The following MARCHF2 variants were observed in gnomAD, a reference collection of about 807,000 sequenced individuals.
MARCHF2 encodes the protein E3 ubiquitin-protein ligase MARCHF2.
A neutral mutation model predicts 24.0 loss-of-function variants in MARCHF2; 22 were observed. The observed-to-expected ratio is 0.92, with a 90% CI of 0.66 to 1.31. MARCHF2 has a LOEUF of 1.31. Ranked by LOEUF, MARCHF2 falls within the 50% of genes most tolerant of loss-of-function variation. The probability of loss-of-function intolerance (pLI) is 0.00; values close to 1 mark genes in which losing one functional copy is unlikely to be tolerated. For missense variants in MARCHF2, 301 were observed against 335.3 expected (o/e 0.90, Z 0.80); for synonymous variants, 154 against 153.0 (o/e 1.01, Z -0.05).
chr19:8,427,311 A>G (rs1284755144), intron 3 of MARCHF2, among the ~76,000 whole-genome samples: 1 of 151,808 alleles, frequency 6.6e-6, no homozygotes, highest in Admixed American at 6.6e-5. Flanking sequence ...AGCCTCCCAA[A>G]GTGCTGGGAT....
intron 4 of MARCHF2, among the ~76,000 whole-genome samples, chr19:8,438,043 G>A (rs934788239): frequency 2.6e-5 from 4 of 152,144 alleles, no homozygotes; most frequent in Admixed American, 6.6e-5. Flanking sequence ...TGGGATTACA[G>A]GTGTGAGCCA....
At chr19:8,419,677 G>A (rs1057017979) in intron 1 of MARCHF2, among the ~76,000 whole-genome samples, 2 of 148,490 alleles carry the variant, frequency 1.3e-5, no homozygotes, top group African/African-American at 2.5e-5. Context: ...TTAGCCGGGC[G>A]TGGTGGCGGG....
intron 1 of MARCHF2, chr19:8,418,625 A>T (rs1449999672): frequency 6.6e-6 from 1 of 152,242 alleles, no homozygotes; most frequent in Non-Finnish European, 1.5e-5. Context: ...CCTGGGCTCA[A>T]GAGGTTGAGG....
chr19:8,419,884 C>T (rs1268445434), intron 1 of MARCHF2, among the ~76,000 whole-genome samples: 1 of 148,564 alleles, frequency 6.7e-6, no homozygotes, highest in Non-Finnish European at 1.5e-5. Context: ...AATTGCCGGG[C>T]GCAGTGGCTC....
chr19:8,415,444 C>T (rs1418119615), intron 1 of MARCHF2, among the ~76,000 whole-genome samples: 1 of 150,382 alleles, frequency 6.6e-6, no homozygotes, highest in African/African-American at 2.4e-5. Context: ...ATAGGCCAGG[C>T]GCGGTGACTC....
intron 2 of MARCHF2, among the ~76,000 whole-genome samples, chr19:8,425,531 C>G (rs1380389298): frequency 6.6e-6 from 1 of 152,064 alleles, no homozygotes; most frequent in Non-Finnish European, 1.5e-5. Flanking sequence ...CAAGCATGAG[C>G]TACTGCTCCC....
In MARCHF2 at chr19:8,419,830, T is replaced by TAA. The variant is rs1568235336; in HGVS notation, c.-52-1957_-52-1956dup. 1.4e-3 allele frequency among the ~76,000 whole-genome samples: 187 copies of TAA among 130,250 alleles called. 5 individuals carry two copies. Among genetic ancestry groups the TAA allele is most frequent in the Middle Eastern group, 0.014 (3 of 212 alleles). The allele number at this position is 130,250 out of a possible 152,430, so 85.4% of individuals were successfully genotyped here. ...GACTCCGTCTCAAAAAAAAAATAAA[T>TAA]AAATAAATAAATAAAAATAAAAAAT... On this transcript the variant is annotated intron_variant, in intron 1 of 4. Coordinates refer to ENST00000215555, the MANE Select transcript of MARCHF2 (RefSeq NM_001005415.2).
intron 2 of MARCHF2, among the ~76,000 whole-genome samples, chr19:8,424,621 C>T (rs1380708753): frequency 1.3e-5 from 2 of 151,298 alleles, no homozygotes; most frequent in Non-Finnish European, 1.5e-5. Flanking sequence ...GAGCCGAGAT[C>T]GCGCCACTGC....
chr19:8,417,471 G>C (rs957670946), intron 1 of MARCHF2, among the ~76,000 whole-genome samples: 3 of 151,836 alleles, frequency 2.0e-5, no homozygotes, highest in Admixed American at 2.0e-4. Flanking sequence ...ATGAAGTCTT[G>C]CTGTCACCCA....
At chr19:8,432,908 G>A (rs912174378) in intron 4 of MARCHF2, among the ~76,000 whole-genome samples, 22 of 151,610 alleles carry the variant, frequency 1.5e-4, no homozygotes, top group Admixed American at 7.3e-4. Context: ...GCAAGATGGT[G>A]AGACCCCATC....
intron 1 of MARCHF2, among the ~76,000 whole-genome samples, chr19:8,419,985 C>T (rs1272133399): frequency 2.7e-5 from 4 of 148,306 alleles, no homozygotes; most frequent in Non-Finnish European, 4.5e-5. Context: ...GGTGAAACCC[C>T]GTCTGTACTA....
intron 2 of MARCHF2, chr19:8,423,731 C>T (rs938858245): frequency 7.2e-5 from 11 of 152,086 alleles, no homozygotes; most frequent in Middle Eastern, 3.4e-3. Flanking sequence ...CAGGCGTGGT[C>T]GCTCATGCCT....
At chr19:8,432,093 G>T (rs2145567162) in intron 4 of MARCHF2, among the ~76,000 whole-genome samples, 1 of 152,230 alleles carries the variant, frequency 6.6e-6, no homozygotes, top group South Asian at 2.1e-4. Context: ...AGAAGCCAGA[G>T]GTTGCAATGA....
intron 2 of MARCHF2, among the ~76,000 whole-genome samples, chr19:8,425,412 G>GA (rs926069580): frequency 6.7e-6 from 1 of 149,844 alleles, no homozygotes; most frequent in Non-Finnish European, 1.5e-5. Context: ...AAAAAAAAAA[G>GA]AAAATTTTTT....
chr19:8,426,887 T>C (rs1967418580), intron 3 of MARCHF2, 83 bp downstream of exon 3: 2 of 1,304,362 alleles, frequency 1.5e-6, no homozygotes, highest in East Asian at 2.4e-5. Flanking sequence ...CCCCGGGCAA[T>C]CTGGTGGTCC....
Position 8,430,624 on chromosome 19 carries a change from C to A in MARCHF2, c.373-34C>A. The A allele has an allele frequency of 6.3e-7, 1 of 1,580,070 alleles. No homozygotes were observed. Among genetic ancestry groups the A allele is most frequent in the Non-Finnish European group, 8.6e-7 (1 of 1,160,072 alleles). On this transcript the variant is annotated intron_variant, in intron 3 of 4. Transcript: ENST00000215555. This position sits in a 1 kb window ranked among gnomAD's most constrained non-coding sequence, Gnocchi z 4.4. The stretch of plus-strand genomic sequence containing the variant: ...CCCCCTCAGTAGCCCCTTCTCTGCC[C>A]CCTCTCCTCTGCCCCCTATCCTCTC...
intron 4 of MARCHF2, among the ~76,000 whole-genome samples, chr19:8,435,185 AT>A (rs1290973536): frequency 6.6e-6 from 1 of 150,826 alleles, no homozygotes; most frequent in Non-Finnish European, 1.5e-5. Context: ...TGCCCAGATA[AT>A]TTTTTTTATT....
At position 8,413,411 on chromosome 19, in the gene MARCHF2, C is replaced by T. The variant is rs1404873756; in HGVS notation, c.-62C>T. 6.6e-6 allele frequency: 1 copy of T among 151,808 alleles called. No homozygotes were observed. Among genetic ancestry groups the T allele is most frequent in the Non-Finnish European group, 1.5e-5 (1 of 67,910 alleles). 9.4% of individuals were successfully genotyped at this position (151,808 alleles called of 1,614,324 possible). The stretch of plus-strand genomic sequence containing the variant: ...GGCCTGTGCGGCCGCCCGGCCCGGC[C>T]GCGGATCAGGTAGGCACGGGCCTGC... On this transcript the variant is annotated 5_prime_UTR_variant, in exon 1 of 5. Coordinates refer to ENST00000215555, the MANE Select transcript of MARCHF2 (RefSeq NM_001005415.2).
intron 3 of MARCHF2, among the ~76,000 whole-genome samples, chr19:8,428,413 G>A (rs1004637799): frequency 1.4e-5 from 2 of 147,782 alleles, no homozygotes; most frequent in Non-Finnish European, 3.0e-5. Flanking sequence ...GCTTGAACCC[G>A]GGAGGCGGAG....
Sources: gnomAD v4.1 joint callset for allele counts (sites outside exome capture counted in the v4.1 genomes callset) on GRCh38, gnomAD v4.1.1 for gene constraint, Gnocchi (gnomAD v3.1) non-coding constraint, MANE v1.5 for transcripts, NCBI Gene and HGNC (gene_info 2026-07-23, HGNC 2026-07-21) for gene names.